Variants in ZNF423 observed in about 807,000 individuals in gnomAD.
The protein encoded by ZNF423 is Ebf-associated zinc finger protein.
A neutral mutation model predicts 95.8 loss-of-function variants in ZNF423; 12 were observed. That is an observed-to-expected ratio of 0.13 (90% CI 0.08 to 0.20). ZNF423 has a LOEUF of 0.20. ZNF423 is among the 10% of genes least tolerant of loss of function. The probability of loss-of-function intolerance (pLI) is 1.00; values close to 1 mark genes in which losing one functional copy is unlikely to be tolerated. For synonymous variants in ZNF423, 749 were observed against 711.9 expected (o/e 1.05, Z -0.83); for missense variants, 1,316 against 1,737.1 (o/e 0.76, Z 4.31).
chr16:49,853,064 C>T (rs1260424467), intron 1 of ZNF423, among the ~76,000 whole-genome samples: 2 of 152,124 alleles, frequency 1.3e-5, no homozygotes, highest in East Asian at 1.9e-4. Context: ...TACAGTCAAG[C>T]GACTTTCACA....
At chr16:49,575,267 T>C (rs1405703748) in intron 5 of ZNF423, among the ~76,000 whole-genome samples, 2 of 152,208 alleles carry the variant, frequency 1.3e-5, no homozygotes, top group African/African-American at 2.4e-5. Flanking sequence ...AAAACTGCTA[T>C]CACCAGCATT....
intron 3 of ZNF423, among the ~76,000 whole-genome samples, chr16:49,729,523 A>C (rs980648775): frequency 6.6e-6 from 1 of 152,110 alleles, no homozygotes; most frequent in Non-Finnish European, 1.5e-5. Flanking sequence ...ATTCTGATTT[A>C]GAATTGAAAA....
At chr16:49,791,701 A>C (rs2034417312) in intron 1 of ZNF423, among the ~76,000 whole-genome samples, 2 of 152,176 alleles carry the variant, frequency 1.3e-5, no homozygotes, top group East Asian at 3.9e-4. Context: ...TTTTGAGTGC[A>C]TTAAAAAGAC....
In ZNF423 at chr16:49,730,906, C is replaced by G. The variant is rs772307020; in HGVS notation, c.166G>C (p.Val56Leu). ...TSRALEDRNS[V>L]TSQEERNEDD... ...TCATTTCTCTCCTCTTGACTTGTCA[C>G]GCTGTTCCTGTCTTCCAGCGCACGG... The change falls in exon 3 of 8, where the codon GTG becomes CTG. Residue 56 changes from valine to leucine, a missense_variant. By Grantham distance (32) the Val-to-Leu change is conservative. Transcript: ENST00000563137. 3.7e-6 allele frequency: 6 copies of G among 1,614,230 alleles called. No homozygotes were observed. The highest frequency in any genetic ancestry group is 1.6e-4 in the Middle Eastern group (1 of 6,062).
Position 49,677,285 on chromosome 16 carries a change from A to AGAGAAGAGAT in ZNF423, c.302-38412_302-38411insATCTCTTCTC, listed in dbSNP as rs1555470587. Among the ~76,000 whole-genome samples the AGAGAAGAGAT allele has an allele frequency of 1.2e-3, 109 of 87,590 alleles. 7 individuals are homozygous for AGAGAAGAGAT. Among genetic ancestry groups the AGAGAAGAGAT allele is most frequent in the African/African-American group, 4.8e-3 (108 of 22,286 alleles). The allele number at this position is 87,590 out of a possible 152,430, so 57.5% of individuals were successfully genotyped here. On this transcript the variant is annotated intron_variant, in intron 3 of 7. Transcript: ENST00000563137. ...AGAGAAGAGAAGAGAAGAGAAGAGA[A>AGAGAAGAGAT]GAGAAGAGAAGAGAAGAGAAGAGAA...
At chr16:49,515,489 T>G (rs1192261004) in intron 7 of ZNF423, among the ~76,000 whole-genome samples, 2 of 152,256 alleles carry the variant, frequency 1.3e-5, no homozygotes, top group African/African-American at 4.8e-5. Context: ...TGTGTGGCTC[T>G]GCCATTTGCA....
intron 2 of ZNF423, among the ~76,000 whole-genome samples, chr16:49,732,770 C>T (rs537071110): frequency 6.6e-6 from 1 of 152,348 alleles, no homozygotes; most frequent in Admixed American, 6.5e-5. Flanking sequence ...TTTCTCCTGT[C>T]TGCACAGAAC....
chr16:49,760,169 AATGG>A (rs1204698598), intron 2 of ZNF423, among the ~76,000 whole-genome samples: 1 of 123,706 alleles, frequency 8.1e-6, no homozygotes, highest in Non-Finnish European at 1.6e-5. Context: ...TGGATTAATG[AATGG>A]ATGGATGGAT....
In ZNF423 at chr16:49,490,000, C is replaced by G. The variant is rs991110342; in HGVS notation, c.*1275G>C. The G allele has an allele frequency of 6.6e-6, 1 of 152,278 alleles. No individual in the cohort carries two copies. The highest frequency in any genetic ancestry group is 1.5e-5 in the Non-Finnish European group (1 of 68,114). The allele number at this position is 152,278 out of a possible 1,614,324, so 9.4% of individuals were successfully genotyped here. A position where few individuals can be genotyped will look rare whatever the true frequency, so the allele number is the denominator to read the frequency against. ...TGCAGGTGTAGGGGGGCCCTGAGAGCGAGTGCCCCCTGAAATAATGTACCC... is the reference window on the plus strand; with the variant it reads ...TGCAGGTGTAGGGGGGCCCTGAGAGGGAGTGCCCCCTGAAATAATGTACCC... On this transcript the variant is annotated 3_prime_UTR_variant, in exon 8 of 8. Transcript: ENST00000563137.
At chr16:49,592,179 C>G (rs1257307435) in intron 5 of ZNF423, among the ~76,000 whole-genome samples, 1 of 152,338 alleles carries the variant, frequency 6.6e-6, no homozygotes, top group Admixed American at 6.5e-5. Flanking sequence ...AAAACTGTAT[C>G]TATGCATGTG....
intron 4 of ZNF423, among the ~76,000 whole-genome samples, chr16:49,634,618 C>A (rs1439768755): frequency 6.6e-6 from 1 of 152,210 alleles, no homozygotes; most frequent in African/African-American, 2.4e-5. Context: ...TGGCAGATGG[C>A]CCTTCCCCAA....
At chr16:49,804,399 A>G (rs2034630180) in intron 1 of ZNF423, among the ~76,000 whole-genome samples, 1 of 152,190 alleles carries the variant, frequency 6.6e-6, no homozygotes, top group Admixed American at 6.5e-5. Context: ...AAAGTTCAGA[A>G]AAAAATCTAA....
At chr16:49,830,498 C>T (rs1159193938) in intron 1 of ZNF423, among the ~76,000 whole-genome samples, 3 of 152,110 alleles carry the variant, frequency 2.0e-5, no homozygotes, top group Admixed American at 6.5e-5. Flanking sequence ...AAGGGAGCTC[C>T]GTATGTTGGC....
chr16:49,841,038 A>T (rs2035177589), intron 1 of ZNF423, among the ~76,000 whole-genome samples: 1 of 152,232 alleles, frequency 6.6e-6, no homozygotes, highest in Non-Finnish European at 1.5e-5. Flanking sequence ...GACAGGCTAA[A>T]GCCTGAACAA....
chr16:49,839,186 C>A (rs1341129495), intron 1 of ZNF423, among the ~76,000 whole-genome samples: 1 of 151,110 alleles, frequency 6.6e-6, no homozygotes, highest in Non-Finnish European at 1.5e-5. Flanking sequence ...CCAGATCCTA[C>A]AAGGCAACTG....
intron 1 of ZNF423, among the ~76,000 whole-genome samples, chr16:49,839,991 A>G (rs1339028260): frequency 2.6e-5 from 4 of 152,216 alleles, no homozygotes; most frequent in Non-Finnish European, 5.9e-5. Context: ...TCCTCACTCA[A>G]CTAGAATAAA....
At chr16:49,795,711 G>A (rs144036214) in intron 1 of ZNF423, among the ~76,000 whole-genome samples, 177 of 152,308 alleles carry the variant, frequency 1.2e-3, no homozygotes, top group African/African-American at 4.1e-3. Flanking sequence ...GTAGGAACGG[G>A]CTCAATCTTA....
chr16:49,695,014 C>G (rs896083590), intron 3 of ZNF423, among the ~76,000 whole-genome samples: 2 of 152,244 alleles, frequency 1.3e-5, no homozygotes, highest in African/African-American at 4.8e-5. Flanking sequence ...TCCACTTACC[C>G]TGAGACCCAC....
intron 5 of ZNF423, among the ~76,000 whole-genome samples, 185 bp downstream of exon 5, chr16:49,625,985 G>A (rs989973422): frequency 4.6e-5 from 7 of 152,284 alleles, no homozygotes; most frequent in Middle Eastern, 3.4e-3. Context: ...GTGGAGCTGC[G>A]ACAAGAAGGC....
Sources: allele counts gnomAD v4.1 joint callset (sites outside exome capture counted in the v4.1 genomes callset), GRCh38; gene constraint gnomAD v4.1.1; transcripts MANE v1.5; gene names NCBI Gene and HGNC (gene_info 2026-07-23, HGNC 2026-07-21).